The following RHOBTB2 variants were observed in gnomAD, a reference collection of about 807,000 sequenced individuals.
RHOBTB2 encodes the protein Rho related BTB domain containing 2, also known as rho-related BTB domain-containing protein 2.
RHOBTB2 carries 39 observed loss-of-function variants against 66.5 expected under a neutral mutation model. The observed-to-expected ratio is 0.59, with a 90% confidence interval of 0.45 to 0.77. The LOEUF (loss-of-function observed/expected upper bound fraction) is 0.77. Ranked by LOEUF, RHOBTB2 falls within the 30% of genes least tolerant of loss-of-function variation. RHOBTB2 has a pLI of 0.00. For synonymous variants in RHOBTB2, 390 were observed against 395.0 expected (o/e 0.99, Z 0.15); for missense variants, 755 against 999.1 (o/e 0.76, Z 3.29).
the RHOBTB2 span, among the ~76,000 whole-genome samples, chr8:22,951,475 AAG>A: frequency 1.3e-5 from 2 of 152,150 alleles, no homozygotes; most frequent in South Asian, 4.2e-4. Flanking sequence ...TGAATCCGAA[AAG>A]AGAGTCAGCA....
intron 7 of RHOBTB2, among the ~76,000 whole-genome samples, chr8:23,011,587 T>TG (rs1448648868): frequency 6.6e-6 from 1 of 151,900 alleles, no homozygotes; most frequent in Non-Finnish European, 1.5e-5. Context: ...AACTGAGTCA[T>TG]GGGGGAGAGC....
upstream of RHOBTB2, chr8:22,994,757 C>G (rs1810502479): frequency 1.4e-6 from 1 of 729,120 alleles, no homozygotes; most frequent in African/African-American, 1.8e-5. Context: ...ACTAGACCAA[C>G]ATAAAAAAAA....
chr8:23,018,428 A>C lies in RHOBTB2; in HGVS notation c.*959A>C, dbSNP rs1177840635. 6.6e-6 allele frequency: 1 copy of C among 152,650 alleles called. No homozygotes were observed. Among genetic ancestry groups the C allele is most frequent in the Non-Finnish European group, 1.5e-5 (1 of 68,066 alleles). 9.5% of individuals were successfully genotyped at this position (152,650 alleles called of 1,614,324 possible). On this transcript the variant is annotated 3_prime_UTR_variant, in exon 10 of 10. Transcript: ENST00000251822. ...CTGTCCTCTATCCCTCCAAAGAATGAAAATCAGAAAAAGCCCCTGCCTAGC... is the reference window on the plus strand; with the variant it reads ...CTGTCCTCTATCCCTCCAAAGAATGCAAATCAGAAAAAGCCCCTGCCTAGC...
chr8:23,017,406 A>T lies in RHOBTB2; in HGVS notation c.2121A>T (p.Pro707=). ...GGCGTTGGCTCTTCTGGAACAGTCCATCCTCCCCGTCTTCCTCGGCAGCCT... is the reference window on the plus strand; with the variant it reads ...GGCGTTGGCTCTTCTGGAACAGTCCTTCCTCCCCGTCTTCCTCGGCAGCCT... ...PKRRWLFWNS[P]SSPSSSAASS... is the part of the protein sequence containing the mutation. Residue 707 remains proline (P), a synonymous_variant, in exon 10 of 10, where the codon CCA becomes CCT. Transcript: ENST00000251822. The surrounding 1 kb of genome is among the most constrained non-coding windows in gnomAD (Gnocchi z 5.3). 2 of 1,613,702 alleles carry T rather than the reference A, an allele frequency of 1.2e-6. No individual in the cohort carries two copies. The highest frequency in any genetic ancestry group is 1.7e-6 in the Non-Finnish European group (2 of 1,179,812).
At chr8:22,962,168 T>G in the RHOBTB2 span, among the ~76,000 whole-genome samples, 1 of 14,224 alleles carries the variant, frequency 7.0e-5, no homozygotes, top group Non-Finnish European at 2.0e-4. Flanking sequence ...CTAAAAACAA[T>G]AACGAATTTA....
intron 2 of RHOBTB2, among the ~76,000 whole-genome samples, chr8:22,993,649 T>C (rs569379307): frequency 6.6e-6 from 1 of 152,358 alleles, no homozygotes; most frequent in East Asian, 1.9e-4. Context: ...CCGAGTTCAT[T>C]GGTTGCTCCT....
At chr8:22,971,699 CG>C in the RHOBTB2 span, among the ~76,000 whole-genome samples, 1 of 152,170 alleles carries the variant, frequency 6.6e-6, no homozygotes, top group South Asian at 2.1e-4. Context: ...TCACCTCCTT[CG>C]GTGTATCTGG....
At chr8:22,974,145 C>T in the RHOBTB2 span, among the ~76,000 whole-genome samples, 4 of 152,152 alleles carry the variant, frequency 2.6e-5, no homozygotes, top group East Asian at 5.8e-4. Flanking sequence ...GGCTGATTCC[C>T]GGGTCTAGGG....
chr8:23,007,235 C>T lies in RHOBTB2; in HGVS notation c.990C>T (p.His330=), dbSNP rs2128804720. The T allele has an allele frequency of 1.2e-6, 2 of 1,608,566 alleles. No homozygotes were observed. The highest frequency in any genetic ancestry group is 2.2e-5 in the South Asian group (2 of 90,678). Residue 330 remains histidine (H), a synonymous_variant, in exon 5 of 10, where the codon CAC becomes CAT. Coordinates refer to ENST00000251822, the MANE Select transcript of RHOBTB2 (RefSeq NM_015178.3). The part of the protein sequence containing the change: ...QGHSDQHHHH[H]HHHHGRDFLL... ...ACTCTGATCAACACCACCACCATCA[C>T]CACCACCACCATGGGCGAGACTTCC...
upstream of RHOBTB2, chr8:22,999,466 G>A: frequency 1.3e-6 from 1 of 758,590 alleles, no homozygotes; most frequent in Non-Finnish European, 1.7e-6. Flanking sequence ...CGGGATCTGC[G>A]GGGCGTCCAA....
At chr8:22,957,360 A>T in the RHOBTB2 span, among the ~76,000 whole-genome samples, 1 of 152,202 alleles carries the variant, frequency 6.6e-6, no homozygotes, top group African/African-American at 2.4e-5. Flanking sequence ...CTCTGAGATT[A>T]TGCAAATATC....
chr8:22,995,814 T>C, upstream of RHOBTB2: 1 of 1,549,602 alleles, frequency 6.5e-7, no homozygotes, highest in South Asian at 1.2e-5. Flanking sequence ...GGAGCTCATG[T>C]CACAAGGCCC....
At chr8:23,016,265 G>C (rs1811289358) in intron 9 of RHOBTB2, among the ~76,000 whole-genome samples, 1 of 151,412 alleles carries the variant, frequency 6.6e-6, no homozygotes, top group Admixed American at 6.6e-5. Flanking sequence ...CTCCCTGAAG[G>C]GTCTGCCACT....
At chr8:22,974,879 C>G in the RHOBTB2 span, among the ~76,000 whole-genome samples, 9 of 152,128 alleles carry the variant, frequency 5.9e-5, no homozygotes, top group African/African-American at 2.2e-4. Context: ...TTTAAAGACC[C>G]GCGCATAAAA....
At chr8:22,962,179 CAAAAAAAAAAAAAAAAAAAAA>C in the RHOBTB2 span, among the ~76,000 whole-genome samples, 18 of 13,834 alleles carry the variant, frequency 1.3e-3, no homozygotes, top group South Asian at 8.8e-3. Context: ...AACGAATTTA[CAAAAAAAAAAAAAAAAAAAAA>C]AAAAAAAAAA....
Position 23,007,385 on chromosome 8 carries a change from G to A in RHOBTB2, c.1140G>A (p.Pro380=), listed in dbSNP as rs369567249. ...GGGGCAACGGAACAGGGTACCTACC[G>A]GGCAGGGGTCGTGTGCTGTCTTCCT... ...ILRGNGTGYL[P]GRGRVLSSWS... The change falls in exon 5 of 10, where the codon CCG becomes CCA. Residue 380 remains proline (P), a synonymous_variant. Transcript: ENST00000251822. 2.2e-5 allele frequency: 35 copies of A among 1,613,934 alleles called. No individual in the cohort carries two copies. Among genetic ancestry groups the A allele is most frequent in the Non-Finnish European group, 2.7e-5 (32 of 1,179,964 alleles).
the RHOBTB2 span, among the ~76,000 whole-genome samples, chr8:22,965,005 T>C: frequency 0.41 from 62,242 of 151,590 alleles, 14,084 homozygotes; most frequent in East Asian, 0.6. Context: ...TTAGTAGAGA[T>C]GGGGTTTCAC....
Position 23,017,759 on chromosome 8 carries a change from A to C in RHOBTB2, c.*290A>C. 1 of 426,402 alleles carries C rather than the reference A, an allele frequency of 2.3e-6. No homozygotes were observed. The highest frequency in any genetic ancestry group is 4.3e-6 in the Non-Finnish European group (1 of 231,874). 26.4% of individuals were successfully genotyped at this position (426,402 alleles called of 1,614,324 possible). A position where few individuals can be genotyped will look rare whatever the true frequency, so the allele number is the denominator to read the frequency against. On this transcript the variant is annotated 3_prime_UTR_variant, in exon 10 of 10. Coordinates refer to ENST00000251822, the MANE Select transcript of RHOBTB2 (RefSeq NM_015178.3). The surrounding 1 kb of genome is among the most constrained non-coding windows in gnomAD (Gnocchi z 5.3). The stretch of plus-strand genomic sequence containing the variant: ...TTTTATCTCTGGGTTTGAGAGCCCT[A>C]GAGTCAAAGGGAAAGCCTCCCAGCC...
the RHOBTB2 span, among the ~76,000 whole-genome samples, chr8:22,981,600 G>C: frequency 1.3e-5 from 2 of 152,234 alleles, no homozygotes; most frequent in Non-Finnish European, 2.9e-5. Context: ...GCAGCTGTGG[G>C]TAGTCCAGGC....
Sources: allele counts gnomAD v4.1 joint callset (sites outside exome capture counted in the v4.1 genomes callset), GRCh38; gene constraint gnomAD v4.1.1; non-coding constraint Gnocchi (gnomAD v3.1); transcripts MANE v1.5; gene names NCBI Gene and HGNC (gene_info 2026-07-23, HGNC 2026-07-21).